Variants in ABLIM2 observed in about 807,000 individuals in gnomAD.
The protein encoded by ABLIM2 is actin-binding LIM protein 2.
A neutral mutation model predicts 97.7 loss-of-function variants in ABLIM2; 53 were observed. The ratio of observed to expected loss-of-function variants is 0.54; its 90% CI spans 0.44 to 0.68. The LOEUF (loss-of-function observed/expected upper bound fraction) is 0.68. Among genes scored for constraint, ABLIM2 ranks in the 30% least tolerant of loss-of-function variants. ABLIM2 has a pLI of 0.00. For synonymous variants in ABLIM2, 361 were observed against 345.8 expected, an observed-to-expected ratio of 1.04 and a Z score of -0.49; for missense variants, 835 against 867.2, an observed-to-expected ratio of 0.96 and a Z score of 0.47.
At chr4:8,049,284 G>A (rs942592588) in intron 8 of ABLIM2, among the ~76,000 whole-genome samples, 1 of 152,348 alleles carries the variant, frequency 6.6e-6, no homozygotes, top group African/African-American at 2.4e-5. Context: ...ATGATCAAAC[G>A]CCTGAGGCGG....
intron 1 of ABLIM2, among the ~76,000 whole-genome samples, chr4:8,116,976 GGA>G (rs1003420391): frequency 4.6e-5 from 7 of 152,208 alleles, no homozygotes; most frequent in African/African-American, 1.7e-4. Context: ...ATAGACAGTA[GGA>G]GAGGGGACTC....
chr4:7,981,779 G>C (rs1411281858), intron 20 of ABLIM2, among the ~76,000 whole-genome samples: 1 of 152,192 alleles, frequency 6.6e-6, no homozygotes, highest in African/African-American at 2.4e-5. Flanking sequence ...CTGCAGAGCA[G>C]CTTGGTCAAA....
Position 8,003,683 on chromosome 4 carries a change from A to G in ABLIM2, c.1618+4376T>C, listed in dbSNP as rs1265638661. On this transcript the variant is annotated intron_variant, in intron 16 of 20. Coordinates refer to ENST00000447017, the MANE Select transcript of ABLIM2 (RefSeq NM_001130083.2). This position sits in a 1 kb window ranked among gnomAD's most constrained non-coding sequence, Gnocchi z 4.2. ...TGGGATCAAGTGATTCTCCTGCCTCAGCCTCCCAAGTAGCTGAGATTACAG... is the reference window on the plus strand; with the variant it reads ...TGGGATCAAGTGATTCTCCTGCCTCGGCCTCCCAAGTAGCTGAGATTACAG... Among the ~76,000 whole-genome samples, 2 of 149,024 alleles carry G rather than the reference A, an allele frequency of 1.3e-5. No individual in the cohort carries two copies. Among genetic ancestry groups the G allele is most frequent in the African/African-American group, 2.5e-5 (1 of 40,096 alleles).
rs528179113 is a variant in ABLIM2, at chr4:8,044,820, C to T, written c.900+344G>A. Among the ~76,000 whole-genome samples the T allele has an allele frequency of 7.2e-5, 11 of 152,266 alleles. No homozygotes were observed. The highest frequency in any genetic ancestry group is 2.2e-4 in the African/African-American group (9 of 41,542). On this transcript the variant is annotated intron_variant, in intron 9 of 20. Coordinates refer to ENST00000447017, the MANE Select transcript of ABLIM2 (RefSeq NM_001130083.2). This position sits in a 1 kb window ranked among gnomAD's most constrained non-coding sequence, Gnocchi z 4.4. ...GTTATTTGCAAACTCTGCAGGGTCC[C>T]GCCTGGGTGTCTGGCAAGCCCCAAC...
At position 8,061,224 on chromosome 4, in the gene ABLIM2, G is replaced by T. The variant is rs1023427975; in HGVS notation, c.676-170C>A. 6.6e-6 allele frequency among the ~76,000 whole-genome samples: 1 copy of T among 152,164 alleles called. No individual in the cohort carries two copies. The highest frequency in any genetic ancestry group is 2.4e-5 in the African/African-American group (1 of 41,452). ...ACCCCTGAGCAGAGCCCAGACCCGG[G>T]GGTGCCCCCGGGCTGTCCAAGGCGC... On this transcript the variant is annotated intron_variant, in intron 6 of 20. Coordinates refer to ENST00000447017, the MANE Select transcript of ABLIM2 (RefSeq NM_001130083.2). The surrounding 1 kb of genome is among the most constrained non-coding windows in gnomAD (Gnocchi z 4.5).
intron 2 of ABLIM2, among the ~76,000 whole-genome samples, chr4:8,106,044 C>T (rs1045743549): frequency 2.0e-5 from 3 of 152,154 alleles, no homozygotes; most frequent in Non-Finnish European, 4.4e-5. Context: ...TGATTTTAGT[C>T]TGGAGTAATG....
rs1579641613 is a variant in ABLIM2, at chr4:8,045,213, A to G, written c.851T>C (p.Ile284Thr). 6.2e-7 allele frequency: 1 copy of G among 1,613,992 alleles called. No individual in the cohort carries two copies. The highest frequency in any genetic ancestry group is 2.2e-5 in the East Asian group (1 of 44,878). The stretch of plus-strand genomic sequence containing the variant: ...TGAGGTGCTGGAAGCAGGGACAGAA[A>G]TGATGCTCTCTGAGGAAGTTCTGGT... Reference protein sequence around the residue: ...KETRTSSESIISVPASSTSGS... With the variant: ...KETRTSSESITSVPASSTSGS... Residue 284 changes from isoleucine to threonine, a missense_variant, in exon 9 of 21, where the codon ATT becomes ACT. By Grantham distance (89) the Ile-to-Thr change is moderately conservative. Coordinates refer to ENST00000447017, the MANE Select transcript of ABLIM2 (RefSeq NM_001130083.2).
intron 7 of ABLIM2, among the ~76,000 whole-genome samples, chr4:8,055,766 G>T (rs994145346): frequency 2.0e-5 from 3 of 152,212 alleles, no homozygotes; most frequent in Non-Finnish European, 4.4e-5. Flanking sequence ...ACATGTGTGT[G>T]TGAGTGCATA....
At chr4:8,133,218 T>C (rs1279816675) in intron 1 of ABLIM2, among the ~76,000 whole-genome samples, 1 of 152,226 alleles carries the variant, frequency 6.6e-6, no homozygotes, top group East Asian at 1.9e-4. Context: ...TGACCTCATC[T>C]GGACGAGTTC....
At position 8,033,045 on chromosome 4, in the gene ABLIM2, C is replaced by T. The variant is rs6857972; in HGVS notation, c.1047+3104G>A. Among the ~76,000 whole-genome samples, 43,247 of 152,092 alleles carry T rather than the reference C, an allele frequency of 0.28. 6,849 individuals carry two copies. The highest frequency in any genetic ancestry group is 0.41 in the African/African-American group (17,010 of 41,446). ...CAGCAACATCCTGAGGGCCCATCAC[C>T]TCGGTTTTCTCTGGACAAGAGAGAA... On this transcript the variant is annotated intron_variant, in intron 10 of 20. Transcript: ENST00000447017. The surrounding 1 kb of genome is among the most constrained non-coding windows in gnomAD (Gnocchi z 4.5).
rs1331868229 is a variant in ABLIM2 at position 8,003,566 on chromosome 4, T to TC, written c.1618+4492_1618+4493insG. ...TACGCTCTTCTTCCAGTTTTCTTTT[T>TC]TTTTTTTTTTTTTTTTGGAGATGGA... On this transcript the variant is annotated intron_variant, in intron 16 of 20. Coordinates refer to ENST00000447017, the MANE Select transcript of ABLIM2 (RefSeq NM_001130083.2). This position sits in a 1 kb window ranked among gnomAD's most constrained non-coding sequence, Gnocchi z 4.2. Among the ~76,000 whole-genome samples, 4 of 145,392 alleles carry TC rather than the reference T, an allele frequency of 2.8e-5. No homozygotes were observed. The highest frequency in any genetic ancestry group is 6.7e-5 in the Admixed American group (1 of 14,846).
chr4:8,091,838 T>TATTATATAAAC (rs1468751822), intron 3 of ABLIM2, among the ~76,000 whole-genome samples: 2 of 99,704 alleles, frequency 2.0e-5, no homozygotes, highest in African/African-American at 4.0e-5. Flanking sequence ...ATAAATAATA[T>TATTATATAAAC]AATATATTAT....
At position 8,019,844 on chromosome 4, in the gene ABLIM2, C is replaced by T. The variant is rs552847565; in HGVS notation, c.1370-173G>A. On this transcript the variant is annotated intron_variant, in intron 13 of 20. Transcript: ENST00000447017. The surrounding 1 kb of genome is among the most constrained non-coding windows in gnomAD (Gnocchi z 4.3). Reference sequence around the variant, plus strand: ...CACCCAGGCCCCAGATCAAGCCTCCCTGACTCCAGATGCCACCCTCATCTG... The same window carrying T: ...CACCCAGGCCCCAGATCAAGCCTCCTTGACTCCAGATGCCACCCTCATCTG... Among the ~76,000 whole-genome samples, 24 of 152,322 alleles carry T rather than the reference C, an allele frequency of 1.6e-4. No homozygotes were observed. The Middle Eastern group carries it at 0.01, about 65-fold the overall frequency.
rs1774753662 is a variant in ABLIM2 at position 8,022,903 on chromosome 4, C to G, written c.1268-2600G>C. The G allele has an allele frequency of 6.5e-6, 1 of 153,608 alleles. No individual in the cohort carries two copies. The highest frequency in any genetic ancestry group is 2.4e-5 in the African/African-American group (1 of 41,438). The allele number at this position is 153,608 out of a possible 1,614,324, so 9.5% of individuals were successfully genotyped here. ...AGCCCTTTCGAAAAGTCTTCCTTCT[C>G]CTCTTCTTCCTCCTCCACTTTTTCC... On this transcript the variant is annotated intron_variant, in intron 12 of 20. Transcript: ENST00000447017. This position sits in a 1 kb window ranked among gnomAD's most constrained non-coding sequence, Gnocchi z 7.8.
chr4:8,106,489 C>G lies in ABLIM2; in HGVS notation c.154+5G>C. ...CCACACTGCAGGGGACCGGGGGACA[C>G]TCACCTTTACAGACGAAGCACTTGA... On this transcript the variant is annotated splice_donor_5th_base_variant and intron_variant, in intron 2 of 20. Transcript: ENST00000447017. 1.3e-6 allele frequency: 2 copies of G among 1,591,006 alleles called. No individual in the cohort carries two copies. The highest frequency in any genetic ancestry group is 1.7e-6 in the Non-Finnish European group (2 of 1,168,766).
At chr4:8,037,884 G>C (rs575996445) in intron 9 of ABLIM2, among the ~76,000 whole-genome samples, 1 of 152,224 alleles carries the variant, frequency 6.6e-6, no homozygotes, top group Admixed American at 6.5e-5. Context: ...TTTGCTCAGG[G>C]AGGTCCAGCT....
At chr4:8,093,418 C>A (rs10008298) in intron 3 of ABLIM2, among the ~76,000 whole-genome samples, 1 of 151,986 alleles carries the variant, frequency 6.6e-6, no homozygotes, top group Non-Finnish European at 1.5e-5. Flanking sequence ...CTTAGCTTTG[C>A]GTGTCTAAAA....
At chr4:8,103,550 G>A (rs1054669584) in intron 2 of ABLIM2, among the ~76,000 whole-genome samples, 2 of 152,238 alleles carry the variant, frequency 1.3e-5, no homozygotes, top group Admixed American at 1.3e-4. Flanking sequence ...GGTGGATCTT[G>A]GCACTGGGCC....
chr4:8,142,167 C>T (rs1278634133), intron 1 of ABLIM2, among the ~76,000 whole-genome samples: 1 of 152,224 alleles, frequency 6.6e-6, no homozygotes, highest in African/African-American at 2.4e-5. Context: ...GGATCTGGGA[C>T]AGCAAGGGCC....
Sources: allele counts gnomAD v4.1 joint callset (sites outside exome capture counted in the v4.1 genomes callset), GRCh38; gene constraint gnomAD v4.1.1; non-coding constraint Gnocchi (gnomAD v3.1); transcripts MANE v1.5; gene names NCBI Gene and HGNC (gene_info 2026-07-23, HGNC 2026-07-21).